DST: variants seen among roughly 807,000 people sequenced by gnomAD.
The protein encoded by DST is dystonin.
In DST, 253 loss-of-function variants were observed where a neutral mutation model predicts 875.2. That is an observed-to-expected ratio of 0.29 (90% CI 0.26 to 0.32). The LOEUF is 0.32. Among genes scored for constraint, DST ranks in the 10% least tolerant of loss-of-function variants. DST has a pLI of 1.00. For missense variants in DST, 8,287 were observed against 9,111.6 expected, an observed-to-expected ratio of 0.91 and a Z score of 3.68; for synonymous variants, 3,124 against 3,197.1, an observed-to-expected ratio of 0.98 and a Z score of 0.77.
At chr6:56,464,239 C>T (rs2094472218) in intron 100 of DST, 1 of 279,030 alleles carries the variant, frequency 3.6e-6, no homozygotes, top group Non-Finnish European at 6.9e-6. Context: ...TATAATTACA[C>T]ACAATGATTG....
At chr6:56,463,218 A>G (rs2094424914) in intron 101 of DST, 62 bp from the exon 102 acceptor site, 3 of 979,292 alleles carry the variant, frequency 3.1e-6, no homozygotes, top group South Asian at 2.8e-5. Flanking sequence ...AAAGCCACAG[A>G]AAGAGATATT....
intron 2 of DST, among the ~76,000 whole-genome samples, chr6:56,936,511 G>A (rs760975516): frequency 6.6e-5 from 10 of 152,176 alleles, no homozygotes; most frequent in Non-Finnish European, 4.4e-5. Flanking sequence ...TCTGGGTAGC[G>A]AGGTGAGAAG....
intron 2 of DST, among the ~76,000 whole-genome samples, chr6:56,940,191 TACACACACACACACACACAC>T (rs59001581): frequency 1.3e-4 from 19 of 142,212 alleles, no homozygotes; most frequent in Admixed American, 9.3e-4. Context: ...ATTACCCCCA[TACACACACACACACACACAC>T]ACACACACAC....
chr6:56,770,170 GT>G (rs1564087296), intron 4 of DST, among the ~76,000 whole-genome samples: 1 of 152,144 alleles, frequency 6.6e-6, no homozygotes, highest in African/African-American at 2.4e-5. Context: ...AGATAAGAGA[GT>G]TTAATGATGC....
chr6:56,906,544 T>TG (rs1169942054), intron 2 of DST, among the ~76,000 whole-genome samples: 1 of 151,854 alleles, frequency 6.6e-6, no homozygotes. Flanking sequence ...AATATTAGGG[T>TG]GGGGTAATCA....
chr6:56,574,886 A>C (rs1190226347), intron 50 of DST, among the ~76,000 whole-genome samples: 3 of 152,176 alleles, frequency 2.0e-5, no homozygotes, highest in Non-Finnish European at 4.4e-5. Flanking sequence ...TTCAGTAGGG[A>C]CAAGCTGTGT....
intron 4 of DST, among the ~76,000 whole-genome samples, chr6:56,830,923 T>A (rs1452041336): frequency 2.6e-5 from 4 of 152,156 alleles, no homozygotes; most frequent in African/African-American, 9.7e-5. Flanking sequence ...ACCTACAGTA[T>A]GGTGTTCTCT....
chr6:56,597,611 G>T, intron 47 of DST, 129 bp downstream of exon 47: 1 of 850,126 alleles, frequency 1.2e-6, no homozygotes, highest in Non-Finnish European at 1.8e-6. Flanking sequence ...ATTTATATCT[G>T]ACATGATGAA....
At chr6:56,529,813 A>G in intron 65 of DST, 39 bp from the exon 66 acceptor site, 5 of 1,469,382 alleles carry the variant, frequency 3.4e-6, no homozygotes, top group Middle Eastern at 1.8e-4. Context: ...AAAAACAAAA[A>G]GAATGGACAA....
At position 56,458,943 on chromosome 6, in the gene DST, T is replaced by C; in HGVS notation, c.*62A>G. 3.4e-6 allele frequency: 5 copies of C among 1,459,298 alleles called. No individual in the cohort carries two copies. The highest frequency in any genetic ancestry group is 3.6e-6 in the Non-Finnish European group (4 of 1,099,478). The allele number at this position is 1,459,298 out of a possible 1,614,324, so 90.4% of individuals were successfully genotyped here. A position where few individuals can be genotyped will look rare whatever the true frequency, so the allele number is the denominator to read the frequency against. ...TTTCACAAGAATTTCTACACCATAT[T>C]TTACATCGTTCAAACTTAAATAATA... On this transcript the variant is annotated 3_prime_UTR_variant, in exon 104 of 104. Coordinates refer to ENST00000680361, the MANE Select transcript of DST (RefSeq NM_001374736.1).
At chr6:56,703,364 T>G (rs951785127) in intron 7 of DST, among the ~76,000 whole-genome samples, 28 of 152,210 alleles carry the variant, frequency 1.8e-4, no homozygotes, top group African/African-American at 5.8e-4. Context: ...TATATAAAAT[T>G]GTTTAACTAA....
intron 4 of DST, among the ~76,000 whole-genome samples, chr6:56,801,230 GGAC>G (rs1393233905): frequency 4.6e-5 from 7 of 152,032 alleles, no homozygotes; most frequent in Admixed American, 1.3e-4. Context: ...ATCTCATCCA[GGAC>G]GACAATGCAT....
chr6:56,539,293 C>A (rs1167372994), intron 61 of DST, among the ~76,000 whole-genome samples: 2 of 152,084 alleles, frequency 1.3e-5, no homozygotes, highest in African/African-American at 4.8e-5. Context: ...AGAGTATATA[C>A]TCCCCTAAGA....
At chr6:56,791,834 T>C (rs866180442) in intron 4 of DST, among the ~76,000 whole-genome samples, 1 of 151,636 alleles carries the variant, frequency 6.6e-6, no homozygotes, top group Admixed American at 6.6e-5. Context: ...ATCTATTTCC[T>C]AGATATTCCT....
intron 3 of DST, among the ~76,000 whole-genome samples, chr6:56,862,572 T>C (rs1208677600): frequency 2.0e-5 from 3 of 151,996 alleles, no homozygotes; most frequent in Admixed American, 1.3e-4. Context: ...TTCATCTTCA[T>C]CCAGTAGGAG....
intron 2 of DST, among the ~76,000 whole-genome samples, chr6:56,952,442 G>C (rs1822833130): frequency 6.6e-6 from 1 of 152,068 alleles, no homozygotes; most frequent in African/African-American, 2.4e-5. Context: ...ATCTGAATGG[G>C]CTGTTCTATT....
intron 31 of DST, 67 bp downstream of exon 31, chr6:56,630,178 G>C (rs944069093): frequency 1.7e-6 from 2 of 1,200,700 alleles, no homozygotes; most frequent in Admixed American, 3.5e-5. Context: ...GATGTTTGAA[G>C]ATCTAAGTGC....
chr6:56,471,649 C>T (rs1419489870), intron 94 of DST, among the ~76,000 whole-genome samples: 1 of 152,124 alleles, frequency 6.6e-6, no homozygotes, highest in Non-Finnish European at 1.5e-5. Flanking sequence ...CTTAACTCCC[C>T]AGGGCTTCTA....
intron 37 of DST, among the ~76,000 whole-genome samples, chr6:56,613,032 A>AAT (rs1052811534): frequency 2.9e-4 from 44 of 151,730 alleles, no homozygotes; most frequent in Non-Finnish European, 4.7e-4. Flanking sequence ...CTGTCTCAAA[A>AAT]ATATATATAT....
Sources: gnomAD v4.1 joint callset for allele counts (sites outside exome capture counted in the v4.1 genomes callset) on GRCh38, gnomAD v4.1.1 for gene constraint, MANE v1.5 for transcripts, NCBI Gene and HGNC (gene_info 2026-07-23, HGNC 2026-07-21) for gene names.